The following MAML2 variants were observed in gnomAD, a reference collection of about 807,000 sequenced individuals.
The protein encoded by MAML2 is mastermind-like protein 2.
Under a neutral mutation model 96.1 loss-of-function variants are expected in MAML2, and 22 were observed. The ratio of observed to expected loss-of-function variants is 0.23; its 90% CI spans 0.16 to 0.33. MAML2 has a LOEUF of 0.33. Ranked by LOEUF, MAML2 falls within the 10% of genes least tolerant of loss-of-function variation. MAML2 has a pLI of 1.00. For synonymous variants in MAML2, 561 were observed against 521.3 expected (o/e 1.08, Z -1.04); for missense variants, 1,367 against 1,392.4 (o/e 0.98, Z 0.29).
intron 1 of MAML2, among the ~76,000 whole-genome samples, chr11:96,212,353 C>T (rs2135939680): frequency 6.6e-6 from 1 of 151,368 alleles, no homozygotes; most frequent in South Asian, 2.1e-4. Context: ...CAGGCAGAAT[C>T]AAAGACAGAC....
chr11:96,093,224 T>C lies in MAML2; in HGVS notation c.807A>G (p.Pro269=). The change falls in exon 2 of 5, where the codon CCA becomes CCG. Residue 269 remains proline, a synonymous_variant. Transcript: ENST00000524717. ...NMGLKEVKKE[P]GETLSCSKHM... ...GCTTACTGCAAGACAGAGTCTCTCC[T>C]GGCTCCTTCTTTACCTCCTTTAAGC... 6.2e-7 allele frequency: 1 copy of C among 1,614,070 alleles called. No individual in the cohort carries two copies. Among genetic ancestry groups the C allele is most frequent in the Middle Eastern group, 1.6e-4 (1 of 6,062 alleles).
intron 1 of MAML2, among the ~76,000 whole-genome samples, chr11:96,263,827 A>G (rs1862785114): frequency 6.6e-6 from 1 of 152,202 alleles, no homozygotes; most frequent in African/African-American, 2.4e-5. Context: ...AAGAGACCCA[A>G]ATGTATGTTT....
chr11:96,092,192 TTGCTGCTGC>T lies in MAML2; in HGVS notation c.1830_1838del (p.Gln619_Gln621del), dbSNP rs774591086. On this transcript the variant is annotated inframe_deletion, in exon 2 of 5. Transcript: ENST00000524717. The surrounding 1 kb of genome is among the most constrained non-coding windows in gnomAD (Gnocchi z 4.1). ...TCTGCTGTTGCTGTTGCTGTTGCTG[TTGCTGCTGC>T]TGCTGCTGTTGCTGCTGCTGCTGCT... 1 of 1,536,436 alleles carries T rather than the reference TTGCTGCTGC, an allele frequency of 6.5e-7. No homozygotes were observed. Among genetic ancestry groups the T allele is most frequent in the Non-Finnish European group, 8.8e-7 (1 of 1,140,712 alleles).
chr11:96,042,790 G>C (rs914820444), intron 2 of MAML2, among the ~76,000 whole-genome samples: 3 of 142,160 alleles, frequency 2.1e-5, no homozygotes, highest in Non-Finnish European at 3.0e-5. Context: ...TGTCACCCAG[G>C]CTGGAGTGCA....
At chr11:96,024,277 T>A (rs1271970939) in intron 2 of MAML2, among the ~76,000 whole-genome samples, 1 of 152,266 alleles carries the variant, frequency 6.6e-6, no homozygotes, top group Non-Finnish European at 1.5e-5. Context: ...AGCCCCAACT[T>A]CATAACTTCC....
At chr11:96,289,590 T>C (rs1193608254) in intron 1 of MAML2, among the ~76,000 whole-genome samples, 2 of 152,182 alleles carry the variant, frequency 1.3e-5, no homozygotes, top group African/African-American at 4.8e-5. Flanking sequence ...GATATGTTTA[T>C]AATCATTAAA....
In MAML2 at chr11:96,301,847, T is replaced by C. The variant is rs977942221; in HGVS notation, c.513+39536A>G. On this transcript the variant is annotated intron_variant, in intron 1 of 4. Coordinates refer to ENST00000524717, the MANE Select transcript of MAML2 (RefSeq NM_032427.4). ...ATAGTACTGGCAAAGAAAGCCTAAA[T>C]TGAACCATAATTCACACGTTTTATA... Among the ~76,000 whole-genome samples, 13 of 152,336 alleles carry C rather than the reference T, an allele frequency of 8.5e-5. No homozygotes were observed. The East Asian group carries it at 1.2e-3, about 14-fold the overall frequency.
chr11:96,314,958 TA>T (rs1863608760), intron 1 of MAML2, among the ~76,000 whole-genome samples: 2 of 152,176 alleles, frequency 1.3e-5, no homozygotes, highest in Non-Finnish European at 2.9e-5. Flanking sequence ...CTCCACAATT[TA>T]AAAGGCCAAA....
At chr11:96,169,008 A>G (rs1861238628) in intron 1 of MAML2, among the ~76,000 whole-genome samples, 1 of 152,202 alleles carries the variant, frequency 6.6e-6, no homozygotes, top group Non-Finnish European at 1.5e-5. Flanking sequence ...TTAATCTGCC[A>G]TAAATTGCTG....
chr11:95,979,683 A>G lies in MAML2; in HGVS notation c.2736T>C (p.Pro912=), dbSNP rs1363808897. 3.1e-6 allele frequency: 5 copies of G among 1,613,858 alleles called. No homozygotes were observed. Among genetic ancestry groups the G allele is most frequent in the African/African-American group, 1.3e-5 (1 of 74,928 alleles). The change falls in exon 5 of 5, where the codon CCT becomes CCC. Residue 912 remains proline, a synonymous_variant. Transcript: ENST00000524717. The part of the protein sequence containing the change: ...NQNNPMMPRP[P]TLGPSNNNNV... ...TGTTATTATTACTTGGCCCTAAGGTAGGTGGCCGTGGCATCATAGGGTTGT... is the reference window on the plus strand; with the variant it reads ...TGTTATTATTACTTGGCCCTAAGGTGGGTGGCCGTGGCATCATAGGGTTGT...
Position 96,342,463 on chromosome 11 carries a change from C to G in MAML2, c.-568G>C. The G allele has an allele frequency of 2.5e-6, 1 of 398,670 alleles. No individual in the cohort carries two copies. Among genetic ancestry groups the G allele is most frequent in the Non-Finnish European group, 4.4e-6 (1 of 226,156 alleles). 24.7% of individuals were successfully genotyped at this position (398,670 alleles called of 1,614,324 possible). ...CCTCAGGTTAAATAAAAAACCAAAA[C>G]AAAACAAAACAGTGCTGTTTCAGAA... On this transcript the variant is annotated 5_prime_UTR_variant, in exon 1 of 5. Transcript: ENST00000524717.
chr11:96,194,562 T>G (rs947862361), intron 1 of MAML2, among the ~76,000 whole-genome samples: 2 of 152,224 alleles, frequency 1.3e-5, no homozygotes, highest in Non-Finnish European at 2.9e-5. Flanking sequence ...TTCTCTTTAG[T>G]TTACAACCTG....
At chr11:96,018,637 C>T (rs1858390609) in intron 2 of MAML2, among the ~76,000 whole-genome samples, 2 of 152,194 alleles carry the variant, frequency 1.3e-5, no homozygotes, top group Admixed American at 6.5e-5. Flanking sequence ...AGCTCCGTCG[C>T]CCAGGCTGGA....
chr11:95,985,827 G>A (rs915370401), intron 3 of MAML2, among the ~76,000 whole-genome samples, 185 bp from the exon 4 acceptor site: 2 of 152,086 alleles, frequency 1.3e-5, no homozygotes, highest in Non-Finnish European at 2.9e-5. Context: ...TAAACTTCCT[G>A]TATGGAAGTA....
intron 1 of MAML2, among the ~76,000 whole-genome samples, chr11:96,310,768 G>T (rs77017389): frequency 0.03 from 4,618 of 152,282 alleles, 123 homozygotes; most frequent in South Asian, 0.16. Flanking sequence ...TGTAAAAAGG[G>T]AAAATATGGT....
Position 96,341,840 on chromosome 11 carries a change from C to T in MAML2, c.56G>A (p.Gly19Glu). 6.4e-7 allele frequency: 1 copy of T among 1,571,198 alleles called. No homozygotes were observed. The highest frequency in any genetic ancestry group is 8.6e-7 in the Non-Finnish European group (1 of 1,162,632). ...TGAGCCCCCTCCAAGGAGCCCCGCCCCAGAGGCCCCCCCTAGCCCTCCTGC... is the reference window on the plus strand; with the variant it reads ...TGAGCCCCCTCCAAGGAGCCCCGCCTCAGAGGCCCCCCCTAGCCCTCCTGC... ...APAGGLGGAS[G>E]AGLLGGGSVT... The change falls in exon 1 of 5, where the codon GGG (glycine) becomes GAG (glutamate). Residue 19 changes from glycine to glutamate, a missense_variant. Coordinates refer to ENST00000524717, the MANE Select transcript of MAML2 (RefSeq NM_032427.4).
intron 2 of MAML2, among the ~76,000 whole-genome samples, chr11:96,026,396 T>C (rs10831466): frequency 0.23 from 35,098 of 152,110 alleles, 4,943 homozygotes; most frequent in Non-Finnish European, 0.32. Flanking sequence ...GAGATAATAG[T>C]TGGGTTTGAA....
chr11:96,244,128 C>A (rs905122451), intron 1 of MAML2, among the ~76,000 whole-genome samples: 1 of 152,162 alleles, frequency 6.6e-6, no homozygotes, highest in African/African-American at 2.4e-5. Context: ...TGGGGCTGTG[C>A]GGCCTAATGG....
intron 1 of MAML2, among the ~76,000 whole-genome samples, chr11:96,216,862 G>A (rs989502914): frequency 6.6e-6 from 1 of 152,176 alleles, no homozygotes; most frequent in Non-Finnish European, 1.5e-5. Flanking sequence ...AAGTCAGGGT[G>A]ACTTTTGAAT....
Sources: allele counts gnomAD v4.1 joint callset (sites outside exome capture counted in the v4.1 genomes callset), GRCh38; gene constraint gnomAD v4.1.1; non-coding constraint Gnocchi (gnomAD v3.1); transcripts MANE v1.5; gene names NCBI Gene and HGNC (gene_info 2026-07-23, HGNC 2026-07-21).